CACNA2D4: variants seen among roughly 807,000 people sequenced by gnomAD.
CACNA2D4 encodes the protein calcium voltage-gated channel auxiliary subunit alpha2delta 4, also known as voltage-dependent calcium channel subunit alpha-2/delta-4.
Under a neutral mutation model 163.8 loss-of-function variants are expected in CACNA2D4, and 157 were observed. That is an observed-to-expected ratio of 0.96 (90% CI 0.84 to 1.09). CACNA2D4 has a LOEUF of 1.09. Ranked by LOEUF, CACNA2D4 falls within the 50% of genes least tolerant of loss-of-function variation. The pLI, the probability that CACNA2D4 is intolerant of heterozygous loss-of-function variation, is 0.00. For synonymous variants in CACNA2D4, 598 were observed against 586.9 expected, an observed-to-expected ratio of 1.02 and a Z score of -0.27; for missense variants, 1,410 against 1,479.9, an observed-to-expected ratio of 0.95 and a Z score of 0.78.
chr12:1,795,729 T>A lies in CACNA2D4; in HGVS notation c.3165A>T (p.Thr1055=). Reference sequence around the variant, plus strand: ...AGATGCTGCAGTCACAGGTGGGGTCTGTCACCAGGAGGAGGAGGTTACTGT... The same window carrying A: ...AGATGCTGCAGTCACAGGTGGGGTCAGTCACCAGGAGGAGGAGGTTACTGT... ...IPNSNLLLLV[T]DPTCDCSIFP... is the part of the protein sequence containing the mutation. Residue 1055 remains threonine (T), a synonymous_variant, in exon 36 of 38, where the codon ACA becomes ACT. Transcript: ENST00000382722. 1 of 1,613,756 alleles carries A rather than the reference T, an allele frequency of 6.2e-7. No individual in the cohort carries two copies. The highest frequency in any genetic ancestry group is 1.3e-5 in the African/African-American group (1 of 75,012).
At chr12:1,845,102 A>G (rs1865114776) in intron 24 of CACNA2D4, among the ~76,000 whole-genome samples, 1 of 151,984 alleles carries the variant, frequency 6.6e-6, no homozygotes, top group South Asian at 2.1e-4. Context: ...GGGAGCAGAC[A>G]TTGCTGTGGA....
intron 29 of CACNA2D4, among the ~76,000 whole-genome samples, chr12:1,808,907 T>G (rs144066371): frequency 7.6e-4 from 115 of 152,122 alleles, no homozygotes; most frequent in African/African-American, 2.7e-3. Context: ...AAATGGGGCA[T>G]GAAAGGGAGA....
chr12:1,871,353 G>T (rs1472850919), intron 18 of CACNA2D4, among the ~76,000 whole-genome samples: 4 of 131,552 alleles, frequency 3.0e-5, no homozygotes, highest in African/African-American at 1.2e-4. Context: ...GTGTGTTGCT[G>T]GTGTGTGTAC....
At chr12:1,837,416 C>T (rs1864905071) in intron 26 of CACNA2D4, among the ~76,000 whole-genome samples, 1 of 151,972 alleles carries the variant, frequency 6.6e-6, no homozygotes, top group Non-Finnish European at 1.5e-5. Flanking sequence ...GAATTACGGA[C>T]TGGAGGGCTG....
rs781270397 is a variant in CACNA2D4, at chr12:1,878,322, C to T, written c.1712G>A (p.Arg571Gln). 12 of 1,608,956 alleles carry T rather than the reference C, an allele frequency of 7.5e-6. No homozygotes were observed. Among genetic ancestry groups the T allele is most frequent in the Middle Eastern group, 1.6e-4 (1 of 6,080 alleles). The change falls in exon 16 of 38, where the codon CGG (arginine) becomes CAG (glutamine). Residue 571 changes from arginine to glutamine, a missense_variant. By Grantham distance (43) the Arg-to-Gln change is conservative. Coordinates refer to ENST00000382722, the MANE Select transcript of CACNA2D4 (RefSeq NM_172364.5). The surrounding 1 kb of genome is among the most constrained non-coding windows in gnomAD (Gnocchi z 4.6). ...NGYILSHPDL[R>Q]PLYREGKKLK... ...AAGAAGATCTGTACCTACCAGGGGC[C>T]GGAGGTCGGGATGGGAGAGGATGTA...
intron 26 of CACNA2D4, among the ~76,000 whole-genome samples, chr12:1,839,750 C>T (rs1864970389): frequency 6.6e-6 from 1 of 151,962 alleles, no homozygotes; most frequent in Non-Finnish European, 1.5e-5. Flanking sequence ...CCCTCTTATA[C>T]GAGACCCCAA....
chr12:1,796,319 T>G (rs922494005), intron 35 of CACNA2D4, among the ~76,000 whole-genome samples: 7 of 152,158 alleles, frequency 4.6e-5, no homozygotes, highest in Non-Finnish European at 8.8e-5. Context: ...GCGCCTCCCC[T>G]GGGATGGGCG....
intron 26 of CACNA2D4, chr12:1,831,390 C>T (rs751328027): frequency 3.7e-6 from 6 of 1,614,096 alleles, no homozygotes; most frequent in Non-Finnish European, 5.1e-6. Context: ...TCGCTCCAAC[C>T]GTCTGCAGAA....
At chr12:1,909,221 T>C (rs1196022371) in intron 4 of CACNA2D4, among the ~76,000 whole-genome samples, 1 of 152,262 alleles carries the variant, frequency 6.6e-6, no homozygotes, top group African/African-American at 2.4e-5. Context: ...AGACGGAGTC[T>C]CGCTCTGTCG....
At chr12:1,888,569 C>T (rs1236617748) in intron 6 of CACNA2D4, among the ~76,000 whole-genome samples, 1 of 151,982 alleles carries the variant, frequency 6.6e-6, no homozygotes, top group Non-Finnish European at 1.5e-5. Flanking sequence ...AAAGAACATA[C>T]AAGAAATGAC....
At chr12:1,871,381 G>A (rs533628621) in intron 18 of CACNA2D4, among the ~76,000 whole-genome samples, 1,011 of 41,768 alleles carry the variant, frequency 0.024, 16 homozygotes, top group African/African-American at 0.043. Flanking sequence ...TGCTGCTGGT[G>A]TGTGTGTACA....
intron 7 of CACNA2D4, among the ~76,000 whole-genome samples, chr12:1,886,646 C>T (rs1866154416): frequency 6.6e-6 from 1 of 152,172 alleles, no homozygotes; most frequent in African/African-American, 2.4e-5. Context: ...CAACCGGGGT[C>T]CCTGAGGGGC....
At chr12:1,800,824 A>G in intron 31 of CACNA2D4, 1 of 599,960 alleles carries the variant, frequency 1.7e-6, no homozygotes, top group Non-Finnish European at 3.0e-6. Flanking sequence ...TGTCACAACT[A>G]CCAGAGCAGT....
At position 1,829,449 on chromosome 12, in the gene CACNA2D4, C is replaced by T. The variant is rs12299624; in HGVS notation, c.2551+11290G>A. ...CCAAGATGGCCAGAAAAAGGGTCTC[C>T]GGTGGCTTCCATGGCTGTACCTGTG... On this transcript the variant is annotated intron_variant, in intron 26 of 37. Coordinates refer to ENST00000382722, the MANE Select transcript of CACNA2D4 (RefSeq NM_172364.5). The surrounding 1 kb of genome is among the most constrained non-coding windows in gnomAD (Gnocchi z 4.2). Among the ~76,000 whole-genome samples the T allele has an allele frequency of 0.023, 3,524 of 152,036 alleles. 146 individuals are homozygous for T. The highest frequency in any genetic ancestry group is 0.08 in the African/African-American group (3,333 of 41,466).
At position 1,907,581 on chromosome 12, in the gene CACNA2D4, G is replaced by C; in HGVS notation, c.650-10C>G. On this transcript the variant is annotated splice_polypyrimidine_tract_variant and intron_variant, in intron 5 of 37. Transcript: ENST00000382722. Reference sequence around the variant, plus strand: ...TTTAAAATATCTGGGTCTGAAGGGTGAGACTATAGATTATGATCCTGTAGA... The same window carrying C: ...TTTAAAATATCTGGGTCTGAAGGGTCAGACTATAGATTATGATCCTGTAGA... 1 of 1,610,114 alleles carries C rather than the reference G, an allele frequency of 6.2e-7. No homozygotes were observed. Among genetic ancestry groups the C allele is most frequent in the Non-Finnish European group, 8.5e-7 (1 of 1,177,210 alleles).
Position 1,834,263 on chromosome 12 carries a change from G to GT in CACNA2D4, c.2551+6475dup, listed in dbSNP as rs1448575405. The GT allele has an allele frequency of 1.3e-6, 2 of 1,557,876 alleles. No individual in the cohort carries two copies. The highest frequency in any genetic ancestry group is 1.7e-6 in the Non-Finnish European group (2 of 1,149,580). On this transcript the variant is annotated intron_variant, in intron 26 of 37. Transcript: ENST00000382722. This position sits in a 1 kb window ranked among gnomAD's most constrained non-coding sequence, Gnocchi z 7.6. ...CAGCCCCTCTTTTTCTCTTCTGCAT[G>GT]TAGGGGGACGCTTGGACCAGCTTGC...
In CACNA2D4 at chr12:1,896,644, C is replaced by A. The variant is rs1478026031; in HGVS notation, c.782-9575G>T. Among the ~76,000 whole-genome samples the A allele has an allele frequency of 1.0e-3, 147 of 144,976 alleles. 2 individuals are homozygous for A. Among genetic ancestry groups the A allele is most frequent in the South Asian group, 1.0e-2 (44 of 4,408 alleles). ...ACACACACACACACACACACACACA[C>A]ACACACACACAAAACAGATGCTAGC... On this transcript the variant is annotated intron_variant, in intron 6 of 37. Coordinates refer to ENST00000382722, the MANE Select transcript of CACNA2D4 (RefSeq NM_172364.5).
At chr12:1,872,222 C>T (rs1049872220) in intron 18 of CACNA2D4, among the ~76,000 whole-genome samples, 1 of 152,200 alleles carries the variant, frequency 6.6e-6, no homozygotes, top group African/African-American at 2.4e-5. Context: ...GGTGTGTGTT[C>T]TCTCATCTGC....
chr12:1,849,626 T>A (rs990058571), intron 23 of CACNA2D4, among the ~76,000 whole-genome samples: 5 of 152,200 alleles, frequency 3.3e-5, no homozygotes, highest in Admixed American at 2.0e-4. Flanking sequence ...CCAAAGTCAA[T>A]ATGGAGAATA....
Sources: allele counts gnomAD v4.1 joint callset (sites outside exome capture counted in the v4.1 genomes callset), GRCh38; gene constraint gnomAD v4.1.1; non-coding constraint Gnocchi (gnomAD v3.1); transcripts MANE v1.5; gene names NCBI Gene and HGNC (gene_info 2026-07-23, HGNC 2026-07-21).